DNAH11: variants seen among roughly 807,000 people sequenced by gnomAD.
The protein encoded by DNAH11 is dynein axonemal heavy chain 11.
In DNAH11, 442 loss-of-function variants were observed where a neutral mutation model predicts 526.0. That is an observed-to-expected ratio of 0.84 (90% CI 0.78 to 0.91). The LOEUF is 0.91. DNAH11 is among the 40% of genes least tolerant of loss of function. The probability of loss-of-function intolerance (pLI) is 0.00; values close to 1 mark genes in which losing one functional copy is unlikely to be tolerated. For missense variants in DNAH11, 6,989 were observed against 5,448.7 expected (o/e 1.28, Z -8.90); for synonymous variants, 2,461 against 1,935.9 (o/e 1.27, Z -7.12).
At chr7:21,683,634 T>C (rs1783237732) in intron 31 of DNAH11, 150 bp from the exon 32 acceptor site, 1 of 729,918 alleles carries the variant, frequency 1.4e-6, no homozygotes, top group Non-Finnish European at 2.1e-6. Flanking sequence ...TATTTAACCA[T>C]GTATATGCTA....
At chr7:21,686,551 G>A (rs1783382670) in intron 32 of DNAH11, among the ~76,000 whole-genome samples, 1 of 152,048 alleles carries the variant, frequency 6.6e-6, no homozygotes, top group Admixed American at 6.6e-5. Flanking sequence ...CATTCCAAAG[G>A]AATTTGTAAA....
chr7:21,759,490 C>T (rs938487630), intron 54 of DNAH11, among the ~76,000 whole-genome samples: 3 of 152,106 alleles, frequency 2.0e-5, no homozygotes, highest in Non-Finnish European at 2.9e-5. Flanking sequence ...AAAGTGACAC[C>T]GAAGCAGTCA....
rs1272963278 is a variant in DNAH11, at chr7:21,687,106, A to G, written c.5629A>G (p.Ile1877Val). 4 of 1,612,408 alleles carry G rather than the reference A, an allele frequency of 2.5e-6. No individual in the cohort carries two copies. Among genetic ancestry groups the G allele is most frequent in the African/African-American group, 2.7e-5 (2 of 74,858 alleles). The change falls in exon 33 of 82, where the codon ATT (isoleucine) becomes GTT (valine). Residue 1877 changes from isoleucine to valine, a missense_variant. Transcript: ENST00000409508. ...VITPLTDRCY[I>V]TLTQSLHLTM... ...GTTTTCTATTGCTTAAAGGTGTTATATTACCTTAACTCAATCACTTCATCT... is the reference window on the plus strand; with the variant it reads ...GTTTTCTATTGCTTAAAGGTGTTATGTTACCTTAACTCAATCACTTCATCT...
chr7:21,880,224 C>T (rs1783865811), intron 74 of DNAH11, among the ~76,000 whole-genome samples: 1 of 152,054 alleles, frequency 6.6e-6, no homozygotes, highest in African/African-American at 2.4e-5. Context: ...GGTTGGATGA[C>T]ACAAATGGCT....
chr7:21,660,460 G>T (rs939372032), intron 30 of DNAH11, among the ~76,000 whole-genome samples: 1 of 149,352 alleles, frequency 6.7e-6, no homozygotes, highest in Non-Finnish European at 1.5e-5. Flanking sequence ...CTGTTTTATT[G>T]CTTATAAGGT....
At chr7:21,842,021 G>A (rs532935646) in intron 65 of DNAH11, among the ~76,000 whole-genome samples, 1 of 152,250 alleles carries the variant, frequency 6.6e-6, no homozygotes, top group South Asian at 2.1e-4. Context: ...CTTTTAAAAT[G>A]TATATGTAGC....
At chr7:21,828,707 G>A (rs1349669278) in intron 65 of DNAH11, among the ~76,000 whole-genome samples, 1 of 148,978 alleles carries the variant, frequency 6.7e-6, no homozygotes, top group Non-Finnish European at 1.5e-5. Context: ...GTGTGTAGGT[G>A]TGTATCAAAA....
chr7:21,759,419 A>G (rs17145279), intron 54 of DNAH11, among the ~76,000 whole-genome samples: 4,644 of 152,292 alleles, frequency 0.03, 224 homozygotes, highest in African/African-American at 0.1. Context: ...TTTTAAAAAC[A>G]AATTGAAATT....
At position 21,725,902 on chromosome 7, in the gene DNAH11, A is replaced by G. The variant is rs748609668; in HGVS notation, c.7358A>G (p.Tyr2453Cys). 6.3e-7 allele frequency: 1 copy of G among 1,596,342 alleles called. No individual in the cohort carries two copies. The highest frequency in any genetic ancestry group is 8.5e-7 in the Non-Finnish European group (1 of 1,170,564). The part of the protein sequence containing the change: ...FPSQGTIFDY[Y>C]VDHKTKKLLP... ...TCGCAGGGAACAATCTTTGATTATTATGTGGACCACAAAACTAAGAAATTA... is the reference window on the plus strand; with the variant it reads ...TCGCAGGGAACAATCTTTGATTATTGTGTGGACCACAAAACTAAGAAATTA... Residue 2453 changes from tyrosine to cysteine, a missense_variant, in exon 45 of 82, where the codon TAT becomes TGT. Tyr to Cys is a radical substitution (Grantham distance 194, BLOSUM62 -2). Coordinates refer to ENST00000409508, the MANE Select transcript of DNAH11 (RefSeq NM_001277115.2).
intron 11 of DNAH11, among the ~76,000 whole-genome samples, chr7:21,588,919 C>T (rs1327828124): frequency 6.6e-6 from 1 of 151,990 alleles, no homozygotes; most frequent in Non-Finnish European, 1.5e-5. Flanking sequence ...TTTCCTTTTT[C>T]CAATAAATAA....
chr7:21,794,791 C>T (rs1029988426), intron 61 of DNAH11, among the ~76,000 whole-genome samples: 1 of 151,970 alleles, frequency 6.6e-6, no homozygotes, highest in Non-Finnish European at 1.5e-5. Flanking sequence ...CTCTGGGTTA[C>T]GGTAAAAAGC....
At chr7:21,764,553 A>G (rs1428089026) in intron 54 of DNAH11, among the ~76,000 whole-genome samples, 1 of 152,148 alleles carries the variant, frequency 6.6e-6, no homozygotes, top group Non-Finnish European at 1.5e-5. Context: ...CTTGAGAATA[A>G]AAGCAGAGAA....
chr7:21,757,399 T>C (rs1786685960), intron 54 of DNAH11, among the ~76,000 whole-genome samples: 1 of 152,186 alleles, frequency 6.6e-6, no homozygotes, highest in African/African-American at 2.4e-5. Context: ...GTTTATCCTA[T>C]CCGTTTTTAT....
chr7:21,637,750 A>G, intron 27 of DNAH11, 48 bp downstream of exon 27: 1 of 1,204,762 alleles, frequency 8.3e-7, no homozygotes, highest in Non-Finnish European at 1.1e-6. Context: ...AATTTTATGA[A>G]GTCTTTTTCA....
chr7:21,765,755 T>C (rs1787156264), intron 55 of DNAH11, among the ~76,000 whole-genome samples, 166 bp downstream of exon 55: 3 of 152,188 alleles, frequency 2.0e-5, no homozygotes, highest in Admixed American at 2.0e-4. Context: ...TCTGTTAGTT[T>C]ACATTCTAAG....
chr7:21,865,206 T>C (rs1212854799), intron 70 of DNAH11, among the ~76,000 whole-genome samples: 1 of 152,348 alleles, frequency 6.6e-6, no homozygotes, highest in South Asian at 2.1e-4. Flanking sequence ...TTCCAGGATC[T>C]GGAGTATCTT....
chr7:21,781,144 G>C (rs1787925452), intron 57 of DNAH11, among the ~76,000 whole-genome samples: 1 of 152,138 alleles, frequency 6.6e-6, no homozygotes, highest in African/African-American at 2.4e-5. Flanking sequence ...CATACTAAAG[G>C]GGGTGAATAT....
intron 76 of DNAH11, among the ~76,000 whole-genome samples, chr7:21,887,115 G>A (rs1204817888): frequency 3.3e-5 from 5 of 152,164 alleles, no homozygotes; most frequent in Non-Finnish European, 5.9e-5. Context: ...TAGTGTCTTT[G>A]GTTGCATTGG....
At chr7:21,567,854 A>G (rs1049912709) in intron 6 of DNAH11, among the ~76,000 whole-genome samples, 15 of 152,258 alleles carry the variant, frequency 9.9e-5, no homozygotes, top group Admixed American at 9.8e-4. Flanking sequence ...GTGCTAGCAC[A>G]GGCTTTGGTA....
Sources: allele counts gnomAD v4.1 joint callset (sites outside exome capture counted in the v4.1 genomes callset), GRCh38; gene constraint gnomAD v4.1.1; transcripts MANE v1.5; gene names NCBI Gene and HGNC (gene_info 2026-07-23, HGNC 2026-07-21).